Variants in TBL1X observed in about 807,000 individuals in gnomAD.
The protein encoded by TBL1X is transducin beta like 1 X-linked, also known as F-box-like/WD repeat-containing protein TBL1X.
TBL1X carries 10 observed loss-of-function variants against 50.7 expected under a neutral mutation model. The ratio of observed to expected loss-of-function variants is 0.20; its 90% CI spans 0.12 to 0.33. The LOEUF (loss-of-function observed/expected upper bound fraction) is 0.33, where lower values mean the gene tolerates loss of function less well. Among genes scored for constraint, TBL1X ranks in the 10% least tolerant of loss-of-function variants. TBL1X has a pLI of 1.00. For synonymous variants in TBL1X, 190 were observed against 214.7 expected (o/e 0.88, Z 1.01); for missense variants, 340 against 504.4 (o/e 0.67, Z 3.12).
chrX:9,716,473 G>A lies in TBL1X; in HGVS notation c.*227G>A. On this transcript the variant is annotated 3_prime_UTR_variant, in exon 18 of 18. Transcript: ENST00000645353. ...AAATCATATCAAACGGGGATAGAAT[G>A]GTTTCCACTGAGGACATTCAGCCTG... The A allele has an allele frequency of 5.7e-6, 2 of 350,365 alleles. No homozygotes were observed. The allele number at this position is 350,365 out of a possible 1,213,427, so 28.9% of individuals were successfully genotyped here. A position where few individuals can be genotyped will look rare whatever the true frequency, so the allele number is the denominator to read the frequency against.
chrX:9,611,529 G>T (rs949472645), intron 2 of TBL1X, among the ~76,000 whole-genome samples: 1 of 112,427 alleles, frequency 8.9e-6, no homozygotes, highest in African/African-American at 3.2e-5. Context: ...GGATTCCCCA[G>T]TGCTGATTCC....
chrX:9,676,217 C>G (rs1043863096), intron 5 of TBL1X, among the ~76,000 whole-genome samples: 7 of 112,232 alleles, frequency 6.2e-5, no homozygotes, highest in African/African-American at 1.9e-4. Context: ...CGTCTCTGCA[C>G]CTAGCTCTTC....
rs902524932 is a variant in TBL1X, at chrX:9,718,011, C to T, written c.*1765C>T. ...CCTCCATCTGCTTGCTGTCATAACC[C>T]GACACGGACTTATTTTTGTCATTAG... On this transcript the variant is annotated 3_prime_UTR_variant, in exon 18 of 18. Coordinates refer to ENST00000645353, the MANE Select transcript of TBL1X (RefSeq NM_005647.4). 5 of 110,333 alleles carry T rather than the reference C, an allele frequency of 4.5e-5. No individual in the cohort carries two copies. Among genetic ancestry groups the T allele is most frequent in the African/African-American group, 3.3e-5 (1 of 30,273 alleles). 9.1% of individuals were successfully genotyped at this position (110,333 alleles called of 1,213,427 possible).
intron 2 of TBL1X, among the ~76,000 whole-genome samples, chrX:9,547,152 T>C (rs940567146): frequency 4.7e-4 from 52 of 111,048 alleles, no homozygotes; most frequent in Non-Finnish European, 8.5e-4. Context: ...TTATACGTTG[T>C]TGTCATTACA....
At chrX:9,660,775 T>C (rs2082893431) in intron 5 of TBL1X, among the ~76,000 whole-genome samples, 2 of 112,567 alleles carry the variant, frequency 1.8e-5, no homozygotes, top group Non-Finnish European at 3.8e-5. Flanking sequence ...ATGCTTCTTT[T>C]ATTTACATAA....
intron 16 of TBL1X, among the ~76,000 whole-genome samples, chrX:9,714,585 C>T (rs2083266961): frequency 8.9e-6 from 1 of 112,059 alleles, no homozygotes. Flanking sequence ...GAGCCACTTA[C>T]CCACCAGATG....
At chrX:9,630,123 T>C (rs1001424446) in intron 2 of TBL1X, among the ~76,000 whole-genome samples, 1 of 111,704 alleles carries the variant, frequency 9.0e-6, no homozygotes, top group Non-Finnish European at 1.9e-5. Flanking sequence ...ATGCTCTGTC[T>C]CCTGGAGGGG....
intron 2 of TBL1X, among the ~76,000 whole-genome samples, chrX:9,538,264 G>C (rs1224266538): frequency 9.0e-6 from 1 of 111,515 alleles, no homozygotes; most frequent in Non-Finnish European, 1.9e-5. Flanking sequence ...TAACCATGCT[G>C]CTCCCCATTT....
Position 9,693,490 on chromosome X carries a change from C to T in TBL1X, c.1053+71C>T, listed in dbSNP as rs144141175. The stretch of plus-strand genomic sequence containing the variant: ...TATATTTTTAATCTCAAAATAACAT[C>T]GTGGTTTCTTGGAACTCGTAGGCTT... On this transcript the variant is annotated intron_variant, in intron 11 of 17. Transcript: ENST00000645353. 7.3e-4 allele frequency: 736 copies of T among 1,012,114 alleles called. 3 individuals carry two copies. In the African/African-American group the frequency reaches 0.012, roughly 17 times the overall value. 83.4% of individuals were successfully genotyped at this position (1,012,114 alleles called of 1,213,427 possible).
chrX:9,605,096 CGTG>C (rs974217683), intron 2 of TBL1X, among the ~76,000 whole-genome samples: 1 of 110,304 alleles, frequency 9.1e-6, no homozygotes, highest in African/African-American at 3.3e-5. Context: ...GGCGGCTTCA[CGTG>C]GTAAACAGGA....
chrX:9,552,919 G>A (rs899845869), intron 2 of TBL1X, among the ~76,000 whole-genome samples: 6 of 111,643 alleles, frequency 5.4e-5, no homozygotes, highest in African/African-American at 2.0e-4. Flanking sequence ...GAGGTGGAAG[G>A]GTTATTTGAG....
At chrX:9,663,686 A>G (rs540322247) in intron 5 of TBL1X, among the ~76,000 whole-genome samples, 35 of 107,302 alleles carry the variant, frequency 3.3e-4, no homozygotes, top group African/African-American at 1.2e-3. Flanking sequence ...GCTGGAACCC[A>G]GGAGGTGGAG....
chrX:9,697,578 C>G, intron 12 of TBL1X, 149 bp downstream of exon 12: 2 of 781,395 alleles, frequency 2.6e-6, no homozygotes, highest in Non-Finnish European at 3.7e-6. Context: ...TCAAGACCAG[C>G]CTGGGCAACA....
At chrX:9,675,750 G>A (rs904198167) in intron 5 of TBL1X, among the ~76,000 whole-genome samples, 1 of 110,323 alleles carries the variant, frequency 9.1e-6, no homozygotes, top group African/African-American at 3.3e-5. Context: ...AATTACCTGG[G>A]CGTGGTGGCA....
chrX:9,565,213 A>G (rs770798078), intron 2 of TBL1X, among the ~76,000 whole-genome samples: 1 of 94,588 alleles, frequency 1.1e-5, no homozygotes, highest in East Asian at 3.6e-4. Flanking sequence ...TGGAGCTTGC[A>G]GTGAGCCAAG....
intron 7 of TBL1X, 144 bp from the exon 8 acceptor site, chrX:9,691,435 C>CAAAAAA (rs367934787): frequency 1.1e-5 from 4 of 360,922 alleles, no homozygotes; most frequent in South Asian, 6.8e-5. Context: ...GATTCCGTCT[C>CAAAAAA]AAAAAAAAAA....
intron 2 of TBL1X, among the ~76,000 whole-genome samples, chrX:9,514,632 T>C (rs1235569755): frequency 8.9e-6 from 1 of 112,424 alleles, no homozygotes; most frequent in Non-Finnish European, 1.9e-5. Flanking sequence ...AACATAGTGC[T>C]GTCAGATCCC....
At chrX:9,517,634 G>T (rs16985565) in intron 2 of TBL1X, among the ~76,000 whole-genome samples, 2,587 of 111,905 alleles carry the variant, frequency 0.023, 69 homozygotes, top group African/African-American at 0.079. Flanking sequence ...GGGCCAGTGG[G>T]ATTTTAAAGC....
At chrX:9,665,526 T>C (rs1293575720) in intron 5 of TBL1X, among the ~76,000 whole-genome samples, 4 of 52,879 alleles carry the variant, frequency 7.6e-5, no homozygotes, top group East Asian at 7.2e-4. Flanking sequence ...TATATATATA[T>C]ATATATATAT....
Sources: allele counts gnomAD v4.1 joint callset (sites outside exome capture counted in the v4.1 genomes callset), GRCh38; gene constraint gnomAD v4.1.1; transcripts MANE v1.5; gene names NCBI Gene and HGNC (gene_info 2026-07-23, HGNC 2026-07-21).